Variants in JHY observed in about 807,000 individuals in gnomAD.
JHY encodes jhy protein homolog.
A neutral mutation model predicts 78.0 loss-of-function variants in JHY; 69 were observed. The ratio of observed to expected loss-of-function variants is 0.88; its 90% CI spans 0.73 to 1.08. The LOEUF (loss-of-function observed/expected upper bound fraction) is 1.08, where lower values mean the gene tolerates loss of function less well. Ranked by LOEUF, JHY falls within the 50% of genes least tolerant of loss-of-function variation. The pLI, the probability that JHY is intolerant of heterozygous loss-of-function variation, is 0.00. For missense variants in JHY, 944 were observed against 927.8 expected (o/e 1.02, Z -0.23); for synonymous variants, 368 against 342.6 (o/e 1.07, Z -0.82).
chr11:122,899,967 C>T (rs987858545), intron 2 of JHY, among the ~76,000 whole-genome samples: 2 of 152,182 alleles, frequency 1.3e-5, no homozygotes, highest in East Asian at 3.9e-4. Context: ...AAGTGAAAGG[C>T]AGGGACAGGA....
Position 122,904,097 on chromosome 11 carries a change from C to T in JHY, c.517C>T (p.Leu173Phe), listed in dbSNP as rs1565311946. 6.2e-7 allele frequency: 1 copy of T among 1,614,154 alleles called. No homozygotes were observed. Among genetic ancestry groups the T allele is most frequent in the African/African-American group, 1.3e-5 (1 of 75,032 alleles). The change falls in exon 3 of 9, where the codon CTC (leucine) becomes TTC (phenylalanine). Residue 173 changes from leucine (L) to phenylalanine (F), a missense_variant. Physicochemically the swap from Leu to Phe is conservative, Grantham distance 22. Transcript: ENST00000227349. ...CCCTTCCCAGGAGACGTCAATGGAA[C>T]TCTCCGGGGGAAAAGGCGAGCAGAA... ...LYPSQETSMELSGGKGEQKES... is the reference protein window; with the variant it reads ...LYPSQETSMEFSGGKGEQKES...
intron 3 of JHY, among the ~76,000 whole-genome samples, chr11:122,924,674 C>A (rs931421324): frequency 6.6e-6 from 1 of 152,166 alleles, no homozygotes; most frequent in Non-Finnish European, 1.5e-5. Flanking sequence ...TTGACCTTAA[C>A]GCACCAGTTT....
chr11:122,925,699 T>A (rs1414807075), intron 4 of JHY, among the ~76,000 whole-genome samples: 1 of 151,788 alleles, frequency 6.6e-6, no homozygotes, highest in Admixed American at 6.6e-5. Flanking sequence ...TTGGCCAACA[T>A]AGTGAAACCC....
At position 122,960,071 on chromosome 11, in the gene JHY, T is replaced by C. The variant is rs1864279629; in HGVS notation, c.*626T>C. On this transcript the variant is annotated 3_prime_UTR_variant, in exon 9 of 9. Transcript: ENST00000227349. Reference sequence around the variant, plus strand: ...CAACATGGTGAAACCCCATCTCTACTAAAAATACAAAAATTAGCTAGGCGT... The same window carrying C: ...CAACATGGTGAAACCCCATCTCTACCAAAAATACAAAAATTAGCTAGGCGT... Among the ~76,000 whole-genome samples the C allele has an allele frequency of 1.3e-5, 2 of 151,890 alleles. No individual in the cohort carries two copies. Among genetic ancestry groups the C allele is most frequent in the African/African-American group, 2.4e-5 (1 of 41,320 alleles).
chr11:122,908,285 G>A (rs1012079992), intron 3 of JHY, among the ~76,000 whole-genome samples: 3 of 152,178 alleles, frequency 2.0e-5, no homozygotes, highest in African/African-American at 7.2e-5. Context: ...GGTGTAGGGT[G>A]GGACCCAGGG....
At position 122,917,894 on chromosome 11, in the gene JHY, T is replaced by G. The variant is rs1863266398; in HGVS notation, c.865-7003T>G. ...TTCATTTAGCATATATTTATTTATT[T>G]TATTTTACTTATTTATTTATTTTGG... On this transcript the variant is annotated intron_variant, in intron 3 of 8. Coordinates refer to ENST00000227349, the MANE Select transcript of JHY (RefSeq NM_024806.4). The surrounding 1 kb of genome is among the most constrained non-coding windows in gnomAD (Gnocchi z 4.1). Among the ~76,000 whole-genome samples the G allele has an allele frequency of 6.8e-6, 1 of 146,578 alleles. No individual in the cohort carries two copies. Among genetic ancestry groups the G allele is most frequent in the African/African-American group, 2.8e-5 (1 of 36,206 alleles).
intron 4 of JHY, among the ~76,000 whole-genome samples, chr11:122,931,009 C>CT (rs1206256727): frequency 6.6e-6 from 1 of 152,100 alleles, no homozygotes; most frequent in African/African-American, 2.4e-5. Context: ...ACTGTGTCCT[C>CT]ACACAATGGA....
At chr11:122,905,054 C>T in intron 3 of JHY, 1 of 811,808 alleles carries the variant, frequency 1.2e-6, no homozygotes, top group Non-Finnish European at 2.0e-6. Flanking sequence ...TTTCTATAAA[C>T]CCCATTGAAA....
intron 3 of JHY, among the ~76,000 whole-genome samples, chr11:122,924,016 T>C (rs947039833): frequency 5.3e-5 from 8 of 150,972 alleles, no homozygotes; most frequent in African/African-American, 1.9e-4. Flanking sequence ...GGATTATAGG[T>C]GTGAGCCACT....
intron 2 of JHY, among the ~76,000 whole-genome samples, chr11:122,891,418 A>G (rs1463180201): frequency 6.6e-6 from 1 of 152,162 alleles, no homozygotes; most frequent in East Asian, 1.9e-4. Flanking sequence ...ATAAATGAAG[A>G]GTGGAGAGGG....
intron 3 of JHY, among the ~76,000 whole-genome samples, chr11:122,912,162 C>T (rs1218136004): frequency 2.0e-5 from 3 of 151,662 alleles, no homozygotes; most frequent in Admixed American, 6.6e-5. Context: ...TGGTGCGCAC[C>T]TGTAATCCCA....
In JHY at chr11:122,938,684, A is replaced by G. The variant is rs138597310; in HGVS notation, c.1634+3609A>G. Among the ~76,000 whole-genome samples, 231 of 152,182 alleles carry G rather than the reference A, an allele frequency of 1.5e-3. 1 individual carries two copies. Among genetic ancestry groups the G allele is most frequent in the African/African-American group, 5.3e-3 (221 of 41,510 alleles). On this transcript the variant is annotated intron_variant, in intron 5 of 8. Coordinates refer to ENST00000227349, the MANE Select transcript of JHY (RefSeq NM_024806.4). Reference sequence around the variant, plus strand: ...GTCAGATGTCTAGCAATTCTTGATCATCTTCTCATGATCAAGTATGAGGGA... The same window carrying G: ...GTCAGATGTCTAGCAATTCTTGATCGTCTTCTCATGATCAAGTATGAGGGA...
chr11:122,918,003 C>A (rs191035312), intron 3 of JHY, among the ~76,000 whole-genome samples: 1 of 151,550 alleles, frequency 6.6e-6, no homozygotes, highest in Admixed American at 6.6e-5. Context: ...CGGGTCCAAA[C>A]GACTGTCATG....
chr11:122,929,498 G>A (rs1215766504), intron 4 of JHY, among the ~76,000 whole-genome samples: 1 of 152,142 alleles, frequency 6.6e-6, no homozygotes, highest in Non-Finnish European at 1.5e-5. Context: ...AGCTCTGGCT[G>A]CTATTTGTAT....
intron 2 of JHY, among the ~76,000 whole-genome samples, 167 bp downstream of exon 2, chr11:122,886,360 T>G (rs940093546): frequency 1.3e-5 from 2 of 152,170 alleles, no homozygotes; most frequent in Non-Finnish European, 2.9e-5. Context: ...TTTTTCCATA[T>G]TCAGATTTTT....
chr11:122,913,736 C>T (rs760384187), intron 3 of JHY, among the ~76,000 whole-genome samples: 1 of 152,172 alleles, frequency 6.6e-6, no homozygotes. Context: ...CTGAACATCT[C>T]CTGCAGAACC....
rs565746350 is a variant in JHY at position 122,957,084 on chromosome 11, G to A, written c.2011-279G>A. ...TGGAAGCAAAAATGAAAATAAATTG[G>A]GTAAATGCAACAAAGAAGGTTCTGA... is the stretch of plus-strand genomic sequence containing the variant. On this transcript the variant is annotated intron_variant, in intron 7 of 8. Transcript: ENST00000227349. Among the ~76,000 whole-genome samples the A allele has an allele frequency of 2.0e-5, 3 of 152,082 alleles. No individual in the cohort carries two copies. In the South Asian group the frequency reaches 6.2e-4, roughly 32 times the overall value.
At chr11:122,887,871 A>G (rs1433720242) in intron 2 of JHY, among the ~76,000 whole-genome samples, 1 of 152,118 alleles carries the variant, frequency 6.6e-6, no homozygotes, top group Non-Finnish European at 1.5e-5. Flanking sequence ...TGGAAGATAC[A>G]TTTTCAGGTC....
chr11:122,920,571 T>A (rs1199017891), intron 3 of JHY, among the ~76,000 whole-genome samples: 1 of 152,240 alleles, frequency 6.6e-6, no homozygotes, highest in Non-Finnish European at 1.5e-5. Flanking sequence ...TTTTTTGTAG[T>A]GCTGTCTGAT....
Sources: gnomAD v4.1 joint callset for allele counts (sites outside exome capture counted in the v4.1 genomes callset) on GRCh38, gnomAD v4.1.1 for gene constraint, Gnocchi (gnomAD v3.1) non-coding constraint, MANE v1.5 for transcripts, NCBI Gene and HGNC (gene_info 2026-07-23, HGNC 2026-07-21) for gene names.